AREL1: variants seen among roughly 807,000 people sequenced by gnomAD.
The protein encoded by AREL1 is apoptosis resistant E3 ubiquitin protein ligase 1.
In AREL1, 62 loss-of-function variants were observed where a neutral mutation model predicts 99.0. That is an observed-to-expected ratio of 0.63 (90% confidence interval 0.51 to 0.77). The LOEUF is 0.77. Ranked by LOEUF, AREL1 falls within the 30% of genes least tolerant of loss-of-function variation. The pLI is 0.00. For synonymous variants in AREL1, 380 were observed against 376.5 expected (o/e 1.01, Z -0.11); for missense variants, 879 against 1,027.6 (o/e 0.86, Z 1.98).
Position 74,712,928 on chromosome 14 carries a change from G to C in AREL1, c.-334+5C>G. The C allele has an allele frequency of 1.5e-6, 1 of 671,692 alleles. No individual in the cohort carries two copies. The highest frequency in any genetic ancestry group is 2.9e-5 in the East Asian group (1 of 34,490). 41.6% of individuals were successfully genotyped at this position (671,692 alleles called of 1,614,324 possible). ...GCTCTGCCTAAGGCTGGAGAGAAACGTTACCCGAGCCGGGGGTTGCAGCGC... is the reference window on the plus strand; with the variant it reads ...GCTCTGCCTAAGGCTGGAGAGAAACCTTACCCGAGCCGGGGGTTGCAGCGC... On this transcript the variant is annotated splice_donor_5th_base_variant and intron_variant, in intron 1 of 19. Coordinates refer to ENST00000356357, the MANE Select transcript of AREL1 (RefSeq NM_001039479.2).
intron 2 of AREL1, among the ~76,000 whole-genome samples, chr14:74,686,982 G>A (rs1484009279): frequency 6.6e-6 from 1 of 151,742 alleles, no homozygotes; most frequent in East Asian, 1.9e-4. Context: ...TGAATTAGCT[G>A]GGGACCCAAC....
At position 74,666,846 on chromosome 14, in the gene AREL1, A is replaced by G. The variant is rs540762551; in HGVS notation, c.2103+473T>C. On this transcript the variant is annotated intron_variant, in intron 17 of 19. Coordinates refer to ENST00000356357, the MANE Select transcript of AREL1 (RefSeq NM_001039479.2). ...GTAATTCTCATGCCTCAGCTTCCCA[A>G]GTAGCTGGGATTACAAGCGTGCATC... 7.6e-4 allele frequency among the ~76,000 whole-genome samples: 116 copies of G among 151,854 alleles called. 3 individuals are homozygous for G. In the South Asian group the frequency reaches 0.023, roughly 30 times the overall value.
At chr14:74,687,782 A>G (rs1566693530) in intron 2 of AREL1, among the ~76,000 whole-genome samples, 2 of 152,170 alleles carry the variant, frequency 1.3e-5, no homozygotes, top group African/African-American at 4.8e-5. Flanking sequence ...TATCAATAGT[A>G]GCGCCAGTAT....
chr14:74,673,023 C>A (rs1287946035), intron 10 of AREL1, 54 bp downstream of exon 10: 10 of 1,613,972 alleles, frequency 6.2e-6, no homozygotes, highest in South Asian at 3.3e-5. Context: ...TCTCCACCCT[C>A]ATGGATGTGG....
At position 74,697,400 on chromosome 14, in the gene AREL1, A is replaced by T. The variant is rs534059434; in HGVS notation, c.-333-5072T>A. ...AAAAAACAAACTATTCAATTTTCAA[A>T]AAGTGCACAGGTTAGGGTGGTCTAA... On this transcript the variant is annotated intron_variant, in intron 1 of 19. Transcript: ENST00000356357. Among the ~76,000 whole-genome samples the T allele has an allele frequency of 3.3e-5, 5 of 152,296 alleles. No individual in the cohort carries two copies. The East Asian group carries it at 9.6e-4, about 29-fold the overall frequency.
At chr14:74,667,017 G>C (rs2089224323) in intron 17 of AREL1, among the ~76,000 whole-genome samples, 1 of 151,776 alleles carries the variant, frequency 6.6e-6, no homozygotes, top group African/African-American at 2.4e-5. Context: ...ACCATGCCCG[G>C]CCTCAGTGAT....
intron 2 of AREL1, among the ~76,000 whole-genome samples, chr14:74,686,595 A>G (rs144375329): frequency 6.6e-6 from 1 of 152,348 alleles, no homozygotes; most frequent in Non-Finnish European, 1.5e-5. Flanking sequence ...TATCAGCACT[A>G]GAATATTACG....
chr14:74,712,312 G>A (rs1265524215), intron 1 of AREL1, among the ~76,000 whole-genome samples: 1 of 152,112 alleles, frequency 6.6e-6, no homozygotes, highest in African/African-American at 2.4e-5. Context: ...CCACGGATGG[G>A]CTTCAGAGTC....
At chr14:74,678,034 A>T in intron 5 of AREL1, 1 of 355,464 alleles carries the variant, frequency 2.8e-6, no homozygotes, top group Non-Finnish European at 5.4e-6. Flanking sequence ...AAATTGATAT[A>T]TAGGTTTAAC....
chr14:74,713,057 G>T lies in AREL1; in HGVS notation c.-458C>A, dbSNP rs760114364. 2 of 1,508,262 alleles carry T rather than the reference G, an allele frequency of 1.3e-6. No homozygotes were observed. The highest frequency in any genetic ancestry group is 9.2e-7 in the Non-Finnish European group (1 of 1,084,724). The allele number at this position is 1,508,262 out of a possible 1,614,324, so 93.4% of individuals were successfully genotyped here. A position where few individuals can be genotyped will look rare whatever the true frequency, so the allele number is the denominator to read the frequency against. ...AGACCCCAGAGTTGGTCTCCACCCG[G>T]CCTGGGAACCGGCTCGGGGGATTGC... On this transcript the variant is annotated 5_prime_UTR_variant, in exon 1 of 20. Coordinates refer to ENST00000356357, the MANE Select transcript of AREL1 (RefSeq NM_001039479.2).
At chr14:74,665,170 T>C (rs1390204734) in intron 17 of AREL1, among the ~76,000 whole-genome samples, 1 of 152,070 alleles carries the variant, frequency 6.6e-6, no homozygotes, top group Admixed American at 6.5e-5. Flanking sequence ...TTTATACAAG[T>C]GTTGGTGGCC....
At position 74,663,955 on chromosome 14, in the gene AREL1, G is replaced by A. The variant is rs151053775; in HGVS notation, c.2313C>T (p.Pro771=). The A allele has an allele frequency of 3.7e-6, 6 of 1,614,162 alleles. No individual in the cohort carries two copies. Among genetic ancestry groups the A allele is most frequent in the Non-Finnish European group, 4.2e-6 (5 of 1,180,016 alleles). The change falls in exon 19 of 20, where the codon CCC becomes CCT. Residue 771 remains proline (P), a synonymous_variant. Transcript: ENST00000356357. ...TCGGAGCGGCAATAATCTGAAATGAGGGACAGAGGGCGGCAAAGCCTCCAG... is the reference window on the plus strand; with the variant it reads ...TCGGAGCGGCAATAATCTGAAATGAAGGACAGAGGGCGGCAAAGCCTCCAG... ...LPPGGFAALC[P]SFQIIAAPTH...
chr14:74,695,803 A>AT (rs1270212630), intron 1 of AREL1, among the ~76,000 whole-genome samples: 4 of 152,232 alleles, frequency 2.6e-5, no homozygotes, highest in Non-Finnish European at 5.9e-5. Flanking sequence ...CAGCCCTGCT[A>AT]TCTCAGAGTC....
chr14:74,676,399 T>G, intron 6 of AREL1, 78 bp from the exon 7 acceptor site: 1 of 1,517,038 alleles, frequency 6.6e-7, no homozygotes, highest in South Asian at 1.2e-5. Context: ...TACAAAGAGC[T>G]TTCCTATCTA....
rs947915556 is a variant in AREL1, at chr14:74,664,875, A to G, written c.2154T>C (p.His718=). ...GDISVSDFKA[H]AVVVGGSWHF... ...GCCATGAGCCACCAACAACTACTGC[A>G]TGGGCTTTGAAGTCAGACACACTGA... The change falls in exon 18 of 20, where the codon CAT becomes CAC. Residue 718 remains histidine, a synonymous_variant. Coordinates refer to ENST00000356357, the MANE Select transcript of AREL1 (RefSeq NM_001039479.2). 1.4e-5 allele frequency: 22 copies of G among 1,613,804 alleles called. No individual in the cohort carries two copies. Among genetic ancestry groups the G allele is most frequent in the Non-Finnish European group, 1.8e-5 (21 of 1,179,856 alleles).
intron 1 of AREL1, 187 bp downstream of exon 1, chr14:74,712,746 C>T: frequency 3.2e-6 from 1 of 309,576 alleles, no homozygotes; most frequent in South Asian, 2.9e-5. Context: ...CAAATAGGAA[C>T]CACAGCCTCA....
intron 1 of AREL1, among the ~76,000 whole-genome samples, chr14:74,699,727 T>A (rs1024817622): frequency 6.6e-6 from 1 of 152,182 alleles, no homozygotes; most frequent in Admixed American, 6.5e-5. Context: ...TCAATATACA[T>A]CATTTTGTTT....
chr14:74,683,211 G>A (rs959586670), intron 5 of AREL1, 85 bp downstream of exon 5: 1 of 907,226 alleles, frequency 1.1e-6, no homozygotes. Flanking sequence ...TCTCAATAAA[G>A]GTATTATTTT....
At chr14:74,694,805 C>T (rs746495433) in intron 1 of AREL1, among the ~76,000 whole-genome samples, 1 of 151,678 alleles carries the variant, frequency 6.6e-6, no homozygotes, top group Non-Finnish European at 1.5e-5. Flanking sequence ...CTGGCTAACA[C>T]GGTGAAATCC....
Sources: allele counts gnomAD v4.1 joint callset (sites outside exome capture counted in the v4.1 genomes callset), GRCh38; gene constraint gnomAD v4.1.1; transcripts MANE v1.5; gene names NCBI Gene and HGNC (gene_info 2026-07-23, HGNC 2026-07-21).